LPAR1: variants seen among roughly 807,000 people sequenced by gnomAD.
LPAR1 encodes lysophosphatidic acid receptor 1.
In LPAR1, 5 loss-of-function variants were observed where a neutral mutation model predicts 23.8. That is an observed-to-expected ratio of 0.21 (90% confidence interval 0.11 to 0.44). The LOEUF (loss-of-function observed/expected upper bound fraction) is 0.44, where lower values mean the gene tolerates loss of function less well. Ranked by LOEUF, LPAR1 falls within the 20% of genes least tolerant of loss-of-function variation. The probability of loss-of-function intolerance (pLI) is 0.99; values close to 1 mark genes in which losing one functional copy is unlikely to be tolerated. For missense variants in LPAR1, 311 were observed against 482.8 expected (o/e 0.64, Z 3.33); for synonymous variants, 160 against 164.7 (o/e 0.97, Z 0.22).
intron 5 of LPAR1, among the ~76,000 whole-genome samples, chr9:110,908,667 C>T (rs1327922965): frequency 2.6e-5 from 4 of 152,098 alleles, no homozygotes; most frequent in Admixed American, 1.3e-4. Flanking sequence ...ATGAATACGA[C>T]TTCCTAGGAG....
chr9:110,888,820 T>C (rs577378867), intron 5 of LPAR1, among the ~76,000 whole-genome samples: 5 of 152,230 alleles, frequency 3.3e-5, no homozygotes, highest in Non-Finnish European at 5.9e-5. Context: ...TATGTATGGC[T>C]AACAGACTGG....
At chr9:110,904,378 C>T (rs2090490472) in intron 5 of LPAR1, among the ~76,000 whole-genome samples, 1 of 152,014 alleles carries the variant, frequency 6.6e-6, no homozygotes, top group Admixed American at 6.6e-5. Flanking sequence ...GGAAATAAGG[C>T]CCCCATGTGT....
chr9:111,015,743 G>T (rs150714910), intron 2 of LPAR1, among the ~76,000 whole-genome samples: 1 of 151,940 alleles, frequency 6.6e-6, no homozygotes, highest in Non-Finnish European at 1.5e-5. Flanking sequence ...TCAGTGAAAT[G>T]GAGGAAAAAT....
intron 5 of LPAR1, among the ~76,000 whole-genome samples, chr9:110,923,321 G>T (rs995828114): frequency 1.3e-5 from 2 of 152,088 alleles, no homozygotes; most frequent in African/African-American, 4.8e-5. Flanking sequence ...TTTGATTTAG[G>T]ATTTTTTGAC....
chr9:110,886,691 A>T (rs1218925605), intron 5 of LPAR1, among the ~76,000 whole-genome samples: 1 of 152,238 alleles, frequency 6.6e-6, no homozygotes, highest in South Asian at 2.1e-4. Context: ...ATGGTACCAC[A>T]TATATTCTTC....
intron 2 of LPAR1, among the ~76,000 whole-genome samples, chr9:111,028,983 T>C (rs901065465): frequency 1.3e-5 from 2 of 152,104 alleles, no homozygotes; most frequent in African/African-American, 2.4e-5. Flanking sequence ...TTGTTGAAAT[T>C]TGCACCATTT....
intron 2 of LPAR1, among the ~76,000 whole-genome samples, chr9:110,991,658 G>T (rs541318784): frequency 6.6e-6 from 1 of 152,124 alleles, no homozygotes; most frequent in South Asian, 2.1e-4. Flanking sequence ...GCCCAGGCTG[G>T]AGTGCAATGG....
intron 4 of LPAR1, among the ~76,000 whole-genome samples, chr9:110,968,603 C>T (rs2096296842): frequency 6.6e-6 from 1 of 152,206 alleles, no homozygotes; most frequent in Admixed American, 6.5e-5. Context: ...ACTTTCCTCC[C>T]AGAGCACCCA....
At chr9:111,038,661 C>A (rs2097946596), upstream of LPAR1, 2 of 454,912 alleles carry the variant, frequency 4.4e-6, no homozygotes, top group Non-Finnish European at 8.8e-6. This position sits in a 1 kb window ranked among gnomAD's most constrained non-coding sequence, Gnocchi z 4.4. Flanking sequence ...CCTGGTGTGG[C>A]GCCCCCAGCG....
At chr9:110,891,844 G>A (rs1031629186) in intron 5 of LPAR1, among the ~76,000 whole-genome samples, 1 of 152,174 alleles carries the variant, frequency 6.6e-6, no homozygotes, top group South Asian at 2.1e-4. Context: ...AATGAGATAC[G>A]ACTGCACACC....
Position 111,009,998 on chromosome 9 carries a change from A to T in LPAR1, c.-182+26124T>A, listed in dbSNP as rs867083565. 1.1e-3 allele frequency among the ~76,000 whole-genome samples: 130 copies of T among 123,302 alleles called. 1 individual carries two copies. The highest frequency in any genetic ancestry group is 3.0e-3 in the South Asian group (10 of 3,302). 80.9% of individuals were successfully genotyped at this position (123,302 alleles called of 152,430 possible). The stretch of plus-strand genomic sequence containing the variant: ...TCATTTCTCATTTCATAATTAGGAA[A>T]ATATATATATATATATATATATATA... On this transcript the variant is annotated intron_variant, in intron 2 of 5. Transcript: ENST00000683809.
intron 5 of LPAR1, among the ~76,000 whole-genome samples, chr9:110,885,770 C>G (rs1259813553): frequency 1.3e-5 from 2 of 152,224 alleles, no homozygotes; most frequent in South Asian, 2.1e-4. Flanking sequence ...AAGGTTAAGA[C>G]TGACTTACCA....
intron 4 of LPAR1, among the ~76,000 whole-genome samples, chr9:110,942,393 A>C (rs1404052945): frequency 1.3e-5 from 2 of 152,240 alleles, no homozygotes; most frequent in South Asian, 2.1e-4. Context: ...ATAAATGACA[A>C]GGTCTCTGCT....
At chr9:110,984,191 T>C (rs2096732350) in intron 2 of LPAR1, among the ~76,000 whole-genome samples, 1 of 151,982 alleles carries the variant, frequency 6.6e-6, no homozygotes, top group Non-Finnish European at 1.5e-5. Context: ...TACCAAATAC[T>C]AGATCTTATT....
intron 5 of LPAR1, chr9:110,903,208 C>T (rs1588225140): frequency 6.6e-6 from 1 of 152,054 alleles, no homozygotes; most frequent in African/African-American, 2.4e-5. Context: ...AGAAGAAGAA[C>T]TTATTGACAA....
chr9:110,942,283 A>G, intron 4 of LPAR1, 115 bp from the exon 5 acceptor site: 11 of 814,088 alleles, frequency 1.4e-5, no homozygotes, highest in Non-Finnish European at 1.9e-5. Context: ...AAAGCAAATA[A>G]TTTGAACATT....
intron 2 of LPAR1, among the ~76,000 whole-genome samples, chr9:110,979,622 G>C (rs1169810017): frequency 1.3e-5 from 2 of 152,102 alleles, no homozygotes; most frequent in East Asian, 3.9e-4. Context: ...AAAGCAGGTA[G>C]GGAAGCTCAT....
rs531851932 is a variant in LPAR1 at position 110,942,565 on chromosome 9, T to C, written c.46-397A>G. Among the ~76,000 whole-genome samples the C allele has an allele frequency of 1.6e-3, 251 of 152,314 alleles. 1 individual carries two copies. The highest frequency in any genetic ancestry group is 5.8e-3 in the African/African-American group (243 of 41,564). ...TTATTTAGGGAATCTGTAAACACAG[T>C]TGGTTTCTAGATAGGGTATCATTGC... is the stretch of plus-strand genomic sequence containing the variant. On this transcript the variant is annotated intron_variant, in intron 4 of 5. Coordinates refer to ENST00000683809, the MANE Select transcript of LPAR1 (RefSeq NM_001351411.2).
chr9:110,935,016 A>G (rs2094606243), intron 5 of LPAR1, among the ~76,000 whole-genome samples: 1 of 152,220 alleles, frequency 6.6e-6, no homozygotes, highest in Non-Finnish European at 1.5e-5. Flanking sequence ...AGTTTCAGAT[A>G]ACTTTTTTCA....
Sources: gnomAD v4.1 joint callset for allele counts (sites outside exome capture counted in the v4.1 genomes callset) on GRCh38, gnomAD v4.1.1 for gene constraint, Gnocchi (gnomAD v3.1) non-coding constraint, MANE v1.5 for transcripts, NCBI Gene and HGNC (gene_info 2026-07-23, HGNC 2026-07-21) for gene names.